Variants in ATP5MK observed in about 807,000 individuals in gnomAD.
ATP5MK encodes the protein ATP synthase F(0) complex subunit k, mitochondrial.
A neutral mutation model predicts 6.6 loss-of-function variants in ATP5MK; 5 were observed. The observed-to-expected ratio is 0.76, with a 90% CI of 0.40 to 1.60. The LOEUF is 1.60. Ranked by LOEUF, ATP5MK falls within the 40% of genes most tolerant of loss-of-function variation. ATP5MK has a pLI of 0.02. For missense variants in ATP5MK, 57 were observed against 66.6 expected, an observed-to-expected ratio of 0.86 and a Z score of 0.50; for synonymous variants, 30 against 24.5, an observed-to-expected ratio of 1.22 and a Z score of -0.66.
intron 1 of ATP5MK, among the ~76,000 whole-genome samples, 179 bp downstream of exon 1, chr10:103,396,230 G>A (rs916933920): frequency 6.6e-6 from 1 of 152,198 alleles, no homozygotes; most frequent in Non-Finnish European, 1.5e-5. Flanking sequence ...GCCTCACCTC[G>A]AGGCTTCTCA....
chr10:103,389,523 A>C (rs554339501), intron 4 of ATP5MK, among the ~76,000 whole-genome samples: 1 of 152,012 alleles, frequency 6.6e-6, no homozygotes, highest in Non-Finnish European at 1.5e-5. Flanking sequence ...GGGTTTCACC[A>C]TGTTGGTCAG....
chr10:103,395,350 T>C (rs1486441909), intron 2 of ATP5MK, among the ~76,000 whole-genome samples: 1 of 152,172 alleles, frequency 6.6e-6, no homozygotes, highest in African/African-American at 2.4e-5. Flanking sequence ...CAGGCTGGAG[T>C]GCAGTGGCGC....
intron 2 of ATP5MK, among the ~76,000 whole-genome samples, chr10:103,394,972 G>A (rs2093426540): frequency 6.6e-6 from 1 of 152,150 alleles, no homozygotes; most frequent in Admixed American, 6.5e-5. Flanking sequence ...CAATATGGGA[G>A]GAAGGCTGAT....
At chr10:103,391,679 TGTATTTTTA>T (rs1024053397) in intron 4 of ATP5MK, among the ~76,000 whole-genome samples, 7 of 152,134 alleles carry the variant, frequency 4.6e-5, no homozygotes, top group Non-Finnish European at 7.3e-5. Flanking sequence ...GGCTAACTTT[TGTATTTTTA>T]GTAGAGATGG....
Position 103,392,294 on chromosome 10 carries a change from A to G in ATP5MK, c.88-11T>C. ...TGTGGCCAGTACACACTGAGAAAGA[A>G]AGAAAAAAGTAAACAAGACTTGTTG... is the stretch of plus-strand genomic sequence containing the variant. On this transcript the variant is annotated splice_polypyrimidine_tract_variant and intron_variant, in intron 3 of 4. Transcript: ENST00000369815. 1 of 1,603,902 alleles carries G rather than the reference A, an allele frequency of 6.2e-7. No individual in the cohort carries two copies. Among genetic ancestry groups the G allele is most frequent in the South Asian group, 1.1e-5 (1 of 88,148 alleles).
rs1197240643 is a variant in ATP5MK at position 103,396,019 on chromosome 10, G to A, written c.-283C>T. 1 of 152,262 alleles carries A rather than the reference G, an allele frequency of 6.6e-6. No homozygotes were observed. Among genetic ancestry groups the A allele is most frequent in the East Asian group, 1.9e-4 (1 of 5,196 alleles). The allele number at this position is 152,262 out of a possible 1,614,324, so 9.4% of individuals were successfully genotyped here. A position where few individuals can be genotyped will look rare whatever the true frequency, so the allele number is the denominator to read the frequency against. Reference sequence around the variant, plus strand: ...GGCCAGCTTCCTAAAGCACAGCTCGGTGGGAACAAACAGCTATGGACATAC... The same window carrying A: ...GGCCAGCTTCCTAAAGCACAGCTCGATGGGAACAAACAGCTATGGACATAC... On this transcript the variant is annotated 5_prime_UTR_variant, in exon 2 of 5. Coordinates refer to ENST00000369815, the MANE Select transcript of ATP5MK (RefSeq NM_001206427.2).
At chr10:103,393,310 G>A (rs913417315) in intron 2 of ATP5MK, among the ~76,000 whole-genome samples, 8 of 152,076 alleles carry the variant, frequency 5.3e-5, no homozygotes, top group Admixed American at 1.3e-4. Context: ...AGCCTGGCAC[G>A]GTGGCTCATG....
intron 2 of ATP5MK, among the ~76,000 whole-genome samples, chr10:103,393,436 C>T (rs959092145): frequency 7.2e-5 from 11 of 151,780 alleles, no homozygotes; most frequent in Non-Finnish European, 1.6e-4. Context: ...AAAAATTAGC[C>T]GGGCGTGGTG....
At chr10:103,391,000 A>G (rs1443480322) in intron 4 of ATP5MK, among the ~76,000 whole-genome samples, 2 of 152,194 alleles carry the variant, frequency 1.3e-5, no homozygotes, top group African/African-American at 2.4e-5. Context: ...AAATATTTGC[A>G]ACTGATATAA....
At chr10:103,391,845 G>A (rs1438629722) in intron 4 of ATP5MK, among the ~76,000 whole-genome samples, 1 of 150,124 alleles carries the variant, frequency 6.7e-6, no homozygotes, top group Non-Finnish European at 1.5e-5. Context: ...TTGCTCTTTC[G>A]CCCAAGCTGG....
At chr10:103,393,336 C>T (rs181269468) in intron 2 of ATP5MK, among the ~76,000 whole-genome samples, 326 of 152,230 alleles carry the variant, frequency 2.1e-3, no homozygotes, top group African/African-American at 7.5e-3. Flanking sequence ...AATCCCAGCA[C>T]TTTGGGAGGC....
intron 2 of ATP5MK, among the ~76,000 whole-genome samples, chr10:103,395,307 G>A (rs2133653804): frequency 6.6e-6 from 1 of 152,276 alleles, no homozygotes; most frequent in South Asian, 2.1e-4. Flanking sequence ...GTTGCTAACT[G>A]CCCTTCTTGA....
chr10:103,393,522 G>A lies in ATP5MK; in HGVS notation c.-9-1056C>T, dbSNP rs142391408. 1.2e-4 allele frequency among the ~76,000 whole-genome samples: 18 copies of A among 151,794 alleles called. No homozygotes were observed. The East Asian group carries it at 3.5e-3, about 29-fold the overall frequency. ...ATGAACCTGGGAGGCGGAGCTTGCA[G>A]TGAGCCTAGATTGCGCCACTGCACT... On this transcript the variant is annotated intron_variant, in intron 2 of 4. Transcript: ENST00000369815.
intron 2 of ATP5MK, among the ~76,000 whole-genome samples, chr10:103,393,347 C>CA (rs2093420035): frequency 6.6e-6 from 1 of 152,028 alleles, no homozygotes; most frequent in Non-Finnish European, 1.5e-5. Flanking sequence ...TTTGGGAGGC[C>CA]AAGGCGGGTG....
rs1405419191 is a variant in ATP5MK, at chr10:103,392,065, T to TAC, written c.*3+125_*3+126insGT. On this transcript the variant is annotated intron_variant, in intron 4 of 4. Transcript: ENST00000369815. Reference sequence around the variant, plus strand: ...TATGAGCCACTATACTAGGCCTCTGTATTTTTTTTTCTTGTATGCTATAAA... The same window carrying TAC: ...TATGAGCCACTATACTAGGCCTCTGTACATTTTTTTTTCTTGTATGCTATAAA... 6.4e-6 allele frequency: 5 copies of TAC among 775,584 alleles called. No homozygotes were observed. In the African/African-American group the frequency reaches 8.9e-5, roughly 14 times the overall value. 48.0% of individuals were successfully genotyped at this position (775,584 alleles called of 1,614,324 possible). A position where few individuals can be genotyped will look rare whatever the true frequency, so the allele number is the denominator to read the frequency against.
chr10:103,394,301 CACGACCG>C, intron 2 of ATP5MK: 1 of 534,136 alleles, frequency 1.9e-6, no homozygotes, highest in Non-Finnish European at 3.9e-6. Context: ...GCCTATCTAC[CACGACCG>C]ACGCCACGCC....
chr10:103,389,886 C>T (rs1017163289), intron 4 of ATP5MK, among the ~76,000 whole-genome samples: 2 of 151,852 alleles, frequency 1.3e-5, no homozygotes, highest in South Asian at 4.2e-4. Context: ...TGCCTGCCAC[C>T]ACGCCCGGCT....
chr10:103,392,542 T>C, intron 2 of ATP5MK, 76 bp from the exon 3 acceptor site: 2 of 1,190,040 alleles, frequency 1.7e-6, no homozygotes, highest in Non-Finnish European at 2.4e-6. Context: ...TGTCTTGTTT[T>C]AGTCTAAAAA....
chr10:103,392,599 A>C, intron 2 of ATP5MK, 133 bp from the exon 3 acceptor site: 3 of 635,992 alleles, frequency 4.7e-6, no homozygotes, highest in Non-Finnish European at 5.3e-6. Flanking sequence ...TCTATATCTC[A>C]CCCAACACAG....
Sources: gnomAD v4.1 joint callset for allele counts (sites outside exome capture counted in the v4.1 genomes callset) on GRCh38, gnomAD v4.1.1 for gene constraint, MANE v1.5 for transcripts, NCBI Gene and HGNC (gene_info 2026-07-23, HGNC 2026-07-21) for gene names.